Variants in SCUBE1 observed in about 807,000 individuals in gnomAD.
The protein encoded by SCUBE1 is signal peptide, CUB domain and EGF like domain containing 1, also known as signal peptide, CUB and EGF-like domain-containing protein 1.
Under a neutral mutation model 124.4 loss-of-function variants are expected in SCUBE1, and 59 were observed. That is an observed-to-expected ratio of 0.47 (90% CI 0.38 to 0.59). The LOEUF is 0.59. Ranked by LOEUF, SCUBE1 falls within the 20% of genes least tolerant of loss-of-function variation. SCUBE1 has a pLI of 0.00. For synonymous variants in SCUBE1, 545 were observed against 550.9 expected (o/e 0.99, Z 0.15); for missense variants, 1,150 against 1,371.2 (o/e 0.84, Z 2.55).
In SCUBE1 at chr22:43,223,207, T is replaced by C. The variant is rs760095005; in HGVS notation, c.1217A>G (p.Lys406Arg). ...WNGKDCVETG[K>R]CLSRAKTSPR... Reference sequence around the variant, plus strand: ...GGAGGTCTTGGCGCGAGAAAGACACTTGCCTGTCTCTATGAAGGGAGATAC... The same window carrying C: ...GGAGGTCTTGGCGCGAGAAAGACACCTGCCTGTCTCTATGAAGGGAGATAC... Residue 406 changes from lysine to arginine, a missense_variant, in exon 11 of 22, where the codon AAG (lysine) becomes AGG (arginine). Coordinates refer to ENST00000360835, the MANE Select transcript of SCUBE1 (RefSeq NM_173050.5). 1 of 1,570,434 alleles carries C rather than the reference T, an allele frequency of 6.4e-7. No individual in the cohort carries two copies. The highest frequency in any genetic ancestry group is 8.6e-7 in the Non-Finnish European group (1 of 1,167,124).
At chr22:43,318,028 T>G (rs1449927425) in intron 3 of SCUBE1, among the ~76,000 whole-genome samples, 1 of 152,178 alleles carries the variant, frequency 6.6e-6, no homozygotes, top group East Asian at 1.9e-4. Flanking sequence ...GATGATCCCT[T>G]GCAGCTCTCA....
intron 11 of SCUBE1, 61 bp downstream of exon 11, chr22:43,223,036 G>A (rs2146670028): frequency 6.7e-7 from 1 of 1,491,018 alleles, no homozygotes; most frequent in African/African-American, 1.4e-5. Context: ...AGCAATGGTG[G>A]GACCCCAGGG....
At chr22:43,252,914 A>G (rs1292468863) in intron 6 of SCUBE1, among the ~76,000 whole-genome samples, 1 of 144,374 alleles carries the variant, frequency 6.9e-6, no homozygotes, top group Non-Finnish European at 1.5e-5. Flanking sequence ...TGCCTCTATT[A>G]ATACAACATT....
chr22:43,227,415 G>A lies in SCUBE1; in HGVS notation c.1166C>T (p.Pro389Leu), dbSNP rs768246789. 1.9e-6 allele frequency: 3 copies of A among 1,612,776 alleles called. No individual in the cohort carries two copies. Among genetic ancestry groups the A allele is most frequent in the South Asian group, 1.1e-5 (1 of 91,000 alleles). ...GTTCCAGTGGAGCCGCCTCCCCGGG[G>A]GACAGACGCACTCGTAGCTGCCCTT... Reference protein sequence around the residue: ...NTKGSYECVCPPGRRLHWNGK... With the variant: ...NTKGSYECVCLPGRRLHWNGK... The change falls in exon 10 of 22, where the codon CCC becomes CTC. Residue 389 changes from proline (P) to leucine (L), a missense_variant. Around this residue, in one of 3 missense-constraint regions of SCUBE1, gnomAD observed 757 missense variants for 840.9 expected, o/e 0.90. Coordinates refer to ENST00000360835, the MANE Select transcript of SCUBE1 (RefSeq NM_173050.5).
intron 10 of SCUBE1, 66 bp from the exon 11 acceptor site, chr22:43,223,282 G>A (rs913188169): frequency 2.6e-6 from 4 of 1,511,078 alleles, no homozygotes; most frequent in Non-Finnish European, 3.5e-6. Flanking sequence ...AGCCAGGAGG[G>A]TCCTGGGTAT....
intron 3 of SCUBE1, 92 bp from the exon 4 acceptor site, chr22:43,291,272 C>T: frequency 1.4e-6 from 2 of 1,387,446 alleles, no homozygotes; most frequent in Non-Finnish European, 2.0e-6. Flanking sequence ...CAGTGAATTT[C>T]CTCACATGGC....
At chr22:43,336,360 C>T (rs1927080003) in intron 2 of SCUBE1, among the ~76,000 whole-genome samples, 2 of 152,328 alleles carry the variant, frequency 1.3e-5, no homozygotes, top group South Asian at 4.1e-4. Context: ...AGACCCCACA[C>T]TCCGCACTCC....
intron 6 of SCUBE1, among the ~76,000 whole-genome samples, chr22:43,240,926 C>A (rs957397796): frequency 6.6e-6 from 1 of 152,142 alleles, no homozygotes; most frequent in Non-Finnish European, 1.5e-5. Flanking sequence ...CAGGCTCAGG[C>A]CTTGGAGAGA....
chr22:43,241,341 TCATGCTCC>T (rs1231208746), intron 6 of SCUBE1, among the ~76,000 whole-genome samples: 1 of 152,096 alleles, frequency 6.6e-6, no homozygotes, highest in Non-Finnish European at 1.5e-5. Flanking sequence ...CCTCCCACTC[TCATGCTCC>T]CAGCCTCGTG....
chr22:43,311,308 T>C (rs938693493), intron 3 of SCUBE1, among the ~76,000 whole-genome samples: 1 of 152,180 alleles, frequency 6.6e-6, no homozygotes, highest in African/African-American at 2.4e-5. Context: ...TTCACCACCA[T>C]AGTAAGCACT....
In SCUBE1 at chr22:43,212,501, G is replaced by A. The variant is rs570183206; in HGVS notation, c.2145C>T (p.Thr715=). 6.2e-5 allele frequency: 96 copies of A among 1,556,408 alleles called. No individual in the cohort carries two copies. The South Asian group carries it at 7.5e-4, about 12-fold the overall frequency. ...VGTYQPEPGR[T]GCFPCGGGLL... The stretch of plus-strand genomic sequence containing the variant: ...AACCCCCTCCACAGGGGAAGCAGCC[G>A]GTGCGCCCGGGCTCAGGCTGGTACG... Residue 715 remains threonine (T), a synonymous_variant, in exon 17 of 22, where the codon ACC becomes ACT. Coordinates refer to ENST00000360835, the MANE Select transcript of SCUBE1 (RefSeq NM_173050.5).
chr22:43,204,226 G>T, intron 21 of SCUBE1, 77 bp from the exon 22 acceptor site: 1 of 1,382,208 alleles, frequency 7.2e-7, no homozygotes, highest in Non-Finnish European at 1.0e-6. Flanking sequence ...GGCTGGGGGA[G>T]GGGAGAGAGA....
In SCUBE1 at chr22:43,208,229, G is replaced by A. The variant is rs80138461; in HGVS notation, c.2582-5C>T. 3,499 of 1,613,796 alleles carry A rather than the reference G, an allele frequency of 2.2e-3. 78 individuals are homozygous for A. The African/African-American group carries it at 0.041, about 19-fold the overall frequency. On this transcript the variant is annotated splice_region_variant and splice_polypyrimidine_tract_variant and intron_variant, in intron 19 of 21. Coordinates refer to ENST00000360835, the MANE Select transcript of SCUBE1 (RefSeq NM_173050.5). Reference sequence around the variant, plus strand: ...TGGTGATGGACGTGGGAGAGGCTGCGGGTGAAGCATCATTGCTGAGCTGCC... The same window carrying A: ...TGGTGATGGACGTGGGAGAGGCTGCAGGTGAAGCATCATTGCTGAGCTGCC...
intron 3 of SCUBE1, among the ~76,000 whole-genome samples, chr22:43,311,010 C>A (rs2146774519): frequency 6.6e-6 from 1 of 152,132 alleles, no homozygotes; most frequent in South Asian, 2.1e-4. Flanking sequence ...AACTCCTGGG[C>A]TCAAGTGATC....
chr22:43,257,629 C>T lies in SCUBE1; in HGVS notation c.727+590G>A, dbSNP rs1014503306. Reference sequence around the variant, plus strand: ...TTGGGAAGAAAGGCCAGCAGGGGCCCAGCAGCTTGGAGAGACCAGCAGTGA... The same window carrying T: ...TTGGGAAGAAAGGCCAGCAGGGGCCTAGCAGCTTGGAGAGACCAGCAGTGA... On this transcript the variant is annotated intron_variant, in intron 6 of 21. Transcript: ENST00000360835. Among the ~76,000 whole-genome samples, 4 of 152,268 alleles carry T rather than the reference C, an allele frequency of 2.6e-5. No individual in the cohort carries two copies. The East Asian group carries it at 7.7e-4, about 29-fold the overall frequency.
At chr22:43,298,475 C>T (rs1022374231) in intron 3 of SCUBE1, among the ~76,000 whole-genome samples, 6 of 152,220 alleles carry the variant, frequency 3.9e-5, no homozygotes, top group African/African-American at 1.2e-4. Flanking sequence ...AGCAAGCTCA[C>T]TGCTCACGTC....
chr22:43,219,805 G>T (rs1569498691), intron 14 of SCUBE1, among the ~76,000 whole-genome samples: 1 of 151,962 alleles, frequency 6.6e-6, no homozygotes, highest in Non-Finnish European at 1.5e-5. Context: ...CCCTCCCGTG[G>T]GGGGCAGACC....
chr22:43,215,318 G>A (rs567073776), intron 15 of SCUBE1, among the ~76,000 whole-genome samples: 1 of 152,184 alleles, frequency 6.6e-6, no homozygotes, highest in Non-Finnish European at 1.5e-5. Flanking sequence ...GGATCACCAC[G>A]CAATGAGTAA....
At chr22:43,281,632 T>A (rs1263661609) in intron 4 of SCUBE1, among the ~76,000 whole-genome samples, 1 of 147,344 alleles carries the variant, frequency 6.8e-6, no homozygotes, top group East Asian at 2.1e-4. Context: ...CCCTGTCACC[T>A]CCCCTGGCCA....
Sources: allele counts gnomAD v4.1 joint callset (sites outside exome capture counted in the v4.1 genomes callset), GRCh38; gene constraint gnomAD v4.1.1; regional missense constraint gnomAD v4.1.1; transcripts MANE v1.5; gene names NCBI Gene and HGNC (gene_info 2026-07-23, HGNC 2026-07-21).